The following PDE4DIP variants were observed in gnomAD, a reference collection of about 807,000 sequenced individuals.
PDE4DIP encodes phosphodiesterase 4D interacting protein.
Under a neutral mutation model 221.4 loss-of-function variants are expected in PDE4DIP, and 59 were observed. The ratio of observed to expected loss-of-function variants is 0.27; its 90% CI spans 0.22 to 0.33. The LOEUF (loss-of-function observed/expected upper bound fraction) is 0.33, where lower values mean the gene tolerates loss of function less well. Ranked by LOEUF, PDE4DIP falls within the 10% of genes least tolerant of loss-of-function variation. The pLI is 1.00. For synonymous variants in PDE4DIP, 404 were observed against 815.9 expected (o/e 0.50, Z 8.60); for missense variants, 1,036 against 2,154.2 (o/e 0.48, Z 10.28).
chr1:148,985,797 G>GA (rs2061811909), intron 21 of PDE4DIP: 3 of 152,104 alleles, frequency 2.0e-5, no homozygotes, highest in Admixed American at 2.0e-4. Flanking sequence ...GGGTAAAATA[G>GA]AAAGTTCAGC....
exon 44 of PDE4DIP, chr1:149,032,146 G>A: frequency 7.1e-7 from 1 of 1,399,306 alleles, no homozygotes. Context: ...GAGGGAGTCA[G>A]AGATGTATCC....
intron 1 of PDE4DIP, among the ~76,000 whole-genome samples, chr1:148,898,890 G>A (rs1306106942): frequency 8.8e-6 from 1 of 114,002 alleles, no homozygotes; most frequent in Non-Finnish European, 1.7e-5. Context: ...GGAGTGCAGT[G>A]GCATGATCTC....
At chr1:149,010,316 A>G in intron 30 of PDE4DIP, 127 bp from the exon 34 acceptor site, 2 of 682,994 alleles carry the variant, frequency 2.9e-6, no homozygotes, top group Non-Finnish European at 5.2e-6. Flanking sequence ...CACTGCTAAC[A>G]GTGCTTGTGC....
chr1:148,981,419 G>A (rs369250319), intron 21 of PDE4DIP, 22 bp downstream of exon 24: 253 of 1,613,708 alleles, frequency 1.6e-4, no homozygotes, highest in Middle Eastern at 5.0e-4. Flanking sequence ...GAAAGTGTGC[G>A]AATTCATCAC....
At chr1:148,963,748 CT>C (rs66921099) in intron 9 of PDE4DIP, among the ~76,000 whole-genome samples, 5,340 of 89,114 alleles carry the variant, frequency 0.06, 17 homozygotes, top group Admixed American at 0.093. Flanking sequence ...TTCTTTCCTT[CT>C]TTTTTTTTTT....
At chr1:148,980,303 A>G (rs2060873053) in intron 20 of PDE4DIP, among the ~76,000 whole-genome samples, 1 of 152,182 alleles carries the variant, frequency 6.6e-6, no homozygotes, top group Non-Finnish European at 1.5e-5. Context: ...GAGGCAGGAG[A>G]CACACTTGAA....
chr1:148,978,467 CTTTT>C (rs373352718), intron 19 of PDE4DIP, 52 bp downstream of exon 22: 9 of 964,128 alleles, frequency 9.3e-6, no homozygotes, highest in Non-Finnish European at 1.2e-5. Context: ...TTTTTGTATT[CTTTT>C]TTTTTTTTTT....
intron 14 of PDE4DIP, among the ~76,000 whole-genome samples, chr1:148,971,741 C>T (rs1399894245): frequency 9.9e-5 from 15 of 151,996 alleles, no homozygotes; most frequent in Non-Finnish European, 1.9e-4. Flanking sequence ...CAGGAAAGAC[C>T]AACCTGATAA....
chr1:148,907,334 C>T (rs587644232), intron 1 of PDE4DIP, among the ~76,000 whole-genome samples: 135 of 129,684 alleles, frequency 1.0e-3, no homozygotes, highest in African/African-American at 3.5e-3. Flanking sequence ...GTTCATTGTG[C>T]TTTTTGTTGC....
intron 17 of PDE4DIP, among the ~76,000 whole-genome samples, chr1:148,975,425 C>T (rs1166425374): frequency 1.6e-4 from 24 of 148,904 alleles, no homozygotes; most frequent in Middle Eastern, 6.8e-3. Context: ...GACGAAGAAG[C>T]TGAAACACTG....
exon 30 of PDE4DIP, chr1:149,009,650 A>G (rs2067999774): frequency 2.5e-6 from 4 of 1,614,042 alleles, no homozygotes; most frequent in Admixed American, 1.7e-5. Flanking sequence ...CACACCCTCC[A>G]GCAGCCATGC....
chr1:149,028,917 C>G (rs587594700), intron 41 of PDE4DIP, among the ~76,000 whole-genome samples: 2 of 152,090 alleles, frequency 1.3e-5, no homozygotes, highest in Admixed American at 6.6e-5. Context: ...CCCCACCAGC[C>G]CCCTGTCCCC....
rs2048420757 is a variant in PDE4DIP, at chr1:148,933,048, A to G, written c.518+760A>G. Among the ~76,000 whole-genome samples the G allele has an allele frequency of 2.6e-5, 4 of 152,100 alleles. No homozygotes were observed. The South Asian group carries it at 6.2e-4, about 24-fold the overall frequency. On this transcript the variant is annotated intron_variant, in intron 4 of 43. Transcript: ENST00000369354. ...TTGATCTAGGACTTCCCAGCCTCCA[A>G]AACTGTGAGAAATACATTTCCGTTG...
intron 41 of PDE4DIP, 105 bp from the exon 45 acceptor site, chr1:149,029,682 A>G (rs79445592): frequency 1.1e-4 from 86 of 758,534 alleles, no homozygotes; most frequent in East Asian, 8.8e-4. Context: ...AGTTCAAGAG[A>G]GTTGAGAAGA....
At chr1:148,975,084 T>C (rs2059888440) in intron 17 of PDE4DIP, among the ~76,000 whole-genome samples, 2 of 142,776 alleles carry the variant, frequency 1.4e-5, no homozygotes, top group South Asian at 2.4e-4. Flanking sequence ...GGCAGGAGAA[T>C]CACTTGAACC....
chr1:148,818,023 G>A (rs1339575364), intron 1 of PDE4DIP, among the ~76,000 whole-genome samples: 1 of 149,350 alleles, frequency 6.7e-6, no homozygotes, highest in Non-Finnish European at 1.5e-5. Flanking sequence ...CACCATGTTG[G>A]CCAGGGTGGT....
At chr1:148,946,367 A>AAAAT (rs1319298307) in intron 5 of PDE4DIP, among the ~76,000 whole-genome samples, 5 of 135,456 alleles carry the variant, frequency 3.7e-5, no homozygotes, top group Non-Finnish European at 6.3e-5. Flanking sequence ...TCTATTGAAA[A>AAAAT]AAATAAATAA....
At chr1:148,923,569 G>T (rs1244806783) in intron 1 of PDE4DIP, among the ~76,000 whole-genome samples, 1 of 142,192 alleles carries the variant, frequency 7.0e-6, no homozygotes, top group Non-Finnish European at 1.5e-5. Context: ...CGCCTCCCGG[G>T]TTCACGCCAT....
At chr1:148,821,433 G>C (rs1264933846) in intron 1 of PDE4DIP, among the ~76,000 whole-genome samples, 4 of 150,620 alleles carry the variant, frequency 2.7e-5, no homozygotes, top group African/African-American at 7.4e-5. Flanking sequence ...TTGGATAAAG[G>C]CTCAGTGAGG....
Sources: allele counts gnomAD v4.1 joint callset (sites outside exome capture counted in the v4.1 genomes callset), GRCh38; gene constraint gnomAD v4.1.1; transcripts MANE v1.5; gene names NCBI Gene and HGNC (gene_info 2026-07-23, HGNC 2026-07-21).